Variants in SLC24A2 observed in about 807,000 individuals in gnomAD.
SLC24A2 encodes the protein solute carrier family 24 member 2.
In SLC24A2, 36 loss-of-function variants were observed where a neutral mutation model predicts 62.0. The observed-to-expected ratio is 0.58, with a 90% CI of 0.44 to 0.77. The LOEUF is 0.77. Among genes scored for constraint, SLC24A2 ranks in the 30% least tolerant of loss-of-function variants. The pLI is 0.00. For missense variants in SLC24A2, 846 were observed against 817.9 expected (o/e 1.03, Z -0.42); for synonymous variants, 358 against 294.0 (o/e 1.22, Z -2.23).
the SLC24A2 span, among the ~76,000 whole-genome samples, chr9:20,039,382 G>C: frequency 6.6e-6 from 1 of 152,096 alleles, no homozygotes; most frequent in South Asian, 2.1e-4. Flanking sequence ...TGGCAGCAAG[G>C]CTGAGGGAAA....
At chr9:19,635,759 AAT>A (rs1416985751) in intron 2 of SLC24A2, among the ~76,000 whole-genome samples, 1 of 152,254 alleles carries the variant, frequency 6.6e-6, no homozygotes, top group Non-Finnish European at 1.5e-5. Context: ...TGGCTTTATC[AAT>A]ATGTCTATAT....
intron 2 of SLC24A2, among the ~76,000 whole-genome samples, chr9:19,636,284 CTCT>C (rs1259109148): frequency 2.6e-5 from 2 of 76,006 alleles, no homozygotes; most frequent in South Asian, 9.0e-4. Flanking sequence ...TTCTCTTCTT[CTCT>C]TCTTTTCTTT....
At chr9:20,141,743 C>A in the SLC24A2 span, among the ~76,000 whole-genome samples, 160 of 152,048 alleles carry the variant, frequency 1.1e-3, no homozygotes, top group Admixed American at 3.1e-3. Flanking sequence ...CTTCCATCAC[C>A]CCAACCTCTC....
the SLC24A2 span, among the ~76,000 whole-genome samples, chr9:20,203,673 G>C: frequency 6.6e-6 from 1 of 150,740 alleles, no homozygotes; most frequent in African/African-American, 2.5e-5. Context: ...GTGAGAGCCT[G>C]TCTCTTAAAA....
chr9:19,622,434 C>T (rs1817930363), intron 2 of SLC24A2, 135 bp from the exon 3 acceptor site: 1 of 834,538 alleles, frequency 1.2e-6, no homozygotes, highest in Non-Finnish European at 2.0e-6. Flanking sequence ...ATGAGTTAAG[C>T]CAAAACAGGG....
At chr9:20,179,553 C>A in the SLC24A2 span, among the ~76,000 whole-genome samples, 39 of 152,262 alleles carry the variant, frequency 2.6e-4, no homozygotes, top group Admixed American at 7.2e-4. Context: ...GAGCCCTCCT[C>A]CTGGAACCAC....
the SLC24A2 span, among the ~76,000 whole-genome samples, chr9:19,969,224 C>CACACACA: frequency 6.6e-6 from 1 of 150,712 alleles, no homozygotes; most frequent in Non-Finnish European, 1.5e-5. Context: ...CACACACACA[C>CACACACA]ACTTCTTCCT....
intron 3 of SLC24A2, among the ~76,000 whole-genome samples, chr9:19,621,912 C>A (rs1460851552): frequency 1.3e-5 from 2 of 152,008 alleles, no homozygotes; most frequent in African/African-American, 4.8e-5. Flanking sequence ...ACAAAGAAAA[C>A]AAATATTGAG....
chr9:19,547,905 A>C (rs1834663279), intron 8 of SLC24A2, among the ~76,000 whole-genome samples: 1 of 151,736 alleles, frequency 6.6e-6, no homozygotes, highest in South Asian at 2.1e-4. Context: ...GAGCCAAGAA[A>C]AATCAAACAC....
At chr9:19,764,737 A>G (rs1185379694) in intron 2 of SLC24A2, among the ~76,000 whole-genome samples, 1 of 152,150 alleles carries the variant, frequency 6.6e-6, no homozygotes, top group Non-Finnish European at 1.5e-5. Context: ...TGATTTTAGA[A>G]TAAGTGCTAT....
chr9:20,007,350 T>C, the SLC24A2 span, among the ~76,000 whole-genome samples: 2 of 152,036 alleles, frequency 1.3e-5, no homozygotes, highest in African/African-American at 4.8e-5. Context: ...AGTCCTACTT[T>C]AGGGTGAAAA....
rs556893363 is a variant in SLC24A2, at chr9:19,621,625, G to A, written c.969+636C>T. Among the ~76,000 whole-genome samples the A allele has an allele frequency of 2.0e-3, 301 of 152,230 alleles. 1 individual carries two copies. The highest frequency in any genetic ancestry group is 3.2e-3 in the Non-Finnish European group (220 of 68,010). ...ATAATTCTGAAGGTTGTTTCTTTAC[G>A]ATGGTGCAAAATCTGAAATGTGATG... On this transcript the variant is annotated intron_variant, in intron 3 of 10. Transcript: ENST00000341998.
chr9:20,243,543 A>C, the SLC24A2 span, among the ~76,000 whole-genome samples: 138 of 152,310 alleles, frequency 9.1e-4, 2 homozygotes, highest in East Asian at 0.01. Flanking sequence ...CTTCAATCTG[A>C]GATCATTTTA....
At chr9:19,586,675 C>A (rs1407104477) in intron 5 of SLC24A2, among the ~76,000 whole-genome samples, 1 of 152,124 alleles carries the variant, frequency 6.6e-6, no homozygotes, top group Non-Finnish European at 1.5e-5. Context: ...AGGTATCAGA[C>A]TGCAGAATAT....
the SLC24A2 span, among the ~76,000 whole-genome samples, chr9:19,804,327 T>A: frequency 5.3e-5 from 8 of 152,148 alleles, no homozygotes; most frequent in African/African-American, 7.2e-5. Context: ...TCTTGAAAAA[T>A]TTTTTAAATG....
At chr9:19,794,685 G>C in the SLC24A2 span, among the ~76,000 whole-genome samples, 3 of 152,076 alleles carry the variant, frequency 2.0e-5, no homozygotes, top group South Asian at 2.1e-4. Flanking sequence ...TCAACCCTTG[G>C]CTACTATTCC....
chr9:19,837,223 C>T, the SLC24A2 span, among the ~76,000 whole-genome samples: 11 of 151,480 alleles, frequency 7.3e-5, no homozygotes, highest in Admixed American at 3.9e-4. Flanking sequence ...GAGGCCGAGG[C>T]GGGTGGATCA....
chr9:19,820,966 A>G, the SLC24A2 span, among the ~76,000 whole-genome samples: 2 of 152,104 alleles, frequency 1.3e-5, no homozygotes, highest in Admixed American at 1.3e-4. Flanking sequence ...TGAATAACCA[A>G]ATTTTTTTCT....
the SLC24A2 span, among the ~76,000 whole-genome samples, chr9:19,868,468 C>T: frequency 0.012 from 1,796 of 152,246 alleles, 33 homozygotes; most frequent in African/African-American, 0.041. Flanking sequence ...AGTCACAAGA[C>T]GGAATATTCT....
Sources: allele counts gnomAD v4.1 joint callset (sites outside exome capture counted in the v4.1 genomes callset), GRCh38; gene constraint gnomAD v4.1.1; transcripts MANE v1.5; gene names NCBI Gene and HGNC (gene_info 2026-07-23, HGNC 2026-07-21).